The following CACNA2D3 variants were observed in gnomAD, a reference collection of about 807,000 sequenced individuals.
The protein encoded by CACNA2D3 is calcium voltage-gated channel auxiliary subunit alpha2delta 3.
CACNA2D3 carries 60 observed loss-of-function variants against 160.6 expected under a neutral mutation model. The observed-to-expected ratio is 0.37, with a 90% CI of 0.30 to 0.46. The LOEUF is 0.46. CACNA2D3 is among the 20% of genes least tolerant of loss of function. CACNA2D3 has a pLI of 1.00. For synonymous variants in CACNA2D3, 558 were observed against 492.9 expected, an observed-to-expected ratio of 1.13 and a Z score of -1.75; for missense variants, 1,205 against 1,365.0, an observed-to-expected ratio of 0.88 and a Z score of 1.85.
chr3:55,025,197 A>C lies in CACNA2D3; in HGVS notation c.2987+6880A>C, dbSNP rs114199730. 1.6e-3 allele frequency among the ~76,000 whole-genome samples: 242 copies of C among 152,348 alleles called. 2 individuals carry two copies. The highest frequency in any genetic ancestry group is 5.5e-3 in the African/African-American group (230 of 41,588). On this transcript the variant is annotated intron_variant, in intron 35 of 37. Transcript: ENST00000474759. ...AATTAGAAAATAAAGAAAGAAATGCAGTTGGATTAAAGAAAGTGACCTAAA... is the reference window on the plus strand; with the variant it reads ...AATTAGAAAATAAAGAAAGAAATGCCGTTGGATTAAAGAAAGTGACCTAAA...
intron 23 of CACNA2D3, 80 bp from the exon 24 acceptor site, chr3:54,887,879 T>G: frequency 9.7e-7 from 1 of 1,034,722 alleles, no homozygotes; most frequent in Non-Finnish European, 1.5e-6. Flanking sequence ...CTGCAGATGC[T>G]GCACAATGAG....
rs539082740 is a variant in CACNA2D3 at position 54,648,275 on chromosome 3, C to T, written c.1167+6034C>T. Among the ~76,000 whole-genome samples, 23 of 152,254 alleles carry T rather than the reference C, an allele frequency of 1.5e-4. No homozygotes were observed. The East Asian group carries it at 3.1e-3, about 20-fold the overall frequency. On this transcript the variant is annotated intron_variant, in intron 11 of 37. Transcript: ENST00000474759. ...GAAACAGTATTTCATGGCATGAGAA[C>T]ATTATATAGAATTCAAATTTCAGTG...
At chr3:54,871,754 A>C (rs1699540755) in intron 18 of CACNA2D3, 132 bp downstream of exon 18, 1 of 672,440 alleles carries the variant, frequency 1.5e-6, no homozygotes, top group Admixed American at 2.7e-5. Flanking sequence ...ACGTGGAGAC[A>C]AGGGGCCTTT....
chr3:54,289,371 AG>A (rs1703122369), intron 2 of CACNA2D3, among the ~76,000 whole-genome samples: 1 of 152,158 alleles, frequency 6.6e-6, no homozygotes, highest in African/African-American at 2.4e-5. Context: ...GACCTCTTCA[AG>A]GAGAACTACA....
chr3:54,343,933 G>A (rs1463612919), intron 3 of CACNA2D3, among the ~76,000 whole-genome samples: 3 of 152,092 alleles, frequency 2.0e-5, no homozygotes, highest in East Asian at 3.9e-4. Flanking sequence ...GTCCATAATC[G>A]TGATATTTAT....
chr3:54,559,795 C>G (rs536740600), intron 5 of CACNA2D3, among the ~76,000 whole-genome samples: 2 of 152,136 alleles, frequency 1.3e-5, no homozygotes, highest in Non-Finnish European at 2.9e-5. Flanking sequence ...TCTATGTGTC[C>G]ATGTGTTCTC....
At chr3:54,458,082 GTTA>G (rs1220173958) in intron 4 of CACNA2D3, among the ~76,000 whole-genome samples, 1 of 151,954 alleles carries the variant, frequency 6.6e-6, no homozygotes, top group Non-Finnish European at 1.5e-5. Flanking sequence ...TACATTTAAG[GTTA>G]TTATTTGTAG....
intron 27 of CACNA2D3, among the ~76,000 whole-genome samples, chr3:54,914,366 T>A (rs893427837): frequency 6.6e-6 from 1 of 152,146 alleles, no homozygotes. Context: ...ATAGAAAGGC[T>A]GGTGGCAGCT....
At chr3:54,358,945 C>T (rs565310090) in intron 3 of CACNA2D3, among the ~76,000 whole-genome samples, 23 of 152,212 alleles carry the variant, frequency 1.5e-4, no homozygotes, top group Admixed American at 1.5e-3. Flanking sequence ...TAAACACTTC[C>T]CATGTCCTTC....
Position 54,386,712 on chromosome 3 carries a change from T to TTTG in CACNA2D3, c.322-3_322-2insTTG. 6.5e-7 allele frequency: 1 copy of TTTG among 1,540,322 alleles called. No individual in the cohort carries two copies. The highest frequency in any genetic ancestry group is 1.2e-5 in the South Asian group (1 of 81,828). On this transcript the variant is annotated splice_region_variant and splice_polypyrimidine_tract_variant and intron_variant, in intron 3 of 37. Coordinates refer to ENST00000474759, the MANE Select transcript of CACNA2D3 (RefSeq NM_018398.3). ...GTCTTCTGTTTTTTTTTTTTTTTTT[T>TTTG]AGCGTCTGGTGGAGGCTGCAGAAGA... is the stretch of plus-strand genomic sequence containing the variant.
chr3:54,808,634 A>G (rs1225407401), intron 13 of CACNA2D3, among the ~76,000 whole-genome samples: 2 of 152,194 alleles, frequency 1.3e-5, no homozygotes, highest in Non-Finnish European at 2.9e-5. Context: ...ACCTAGGGCA[A>G]GGGACACTGA....
At chr3:54,350,987 T>TTTG (rs1698550045) in intron 3 of CACNA2D3, among the ~76,000 whole-genome samples, 2 of 28,782 alleles carry the variant, frequency 6.9e-5, no homozygotes, top group Non-Finnish European at 1.3e-4. Context: ...TTTTTGTTTG[T>TTTG]TTTTTTTTTT....
chr3:54,848,763 C>T (rs1698990626), intron 17 of CACNA2D3, among the ~76,000 whole-genome samples: 2 of 152,222 alleles, frequency 1.3e-5, no homozygotes, highest in African/African-American at 4.8e-5. Flanking sequence ...ACTACATCCA[C>T]ACTATGTGAC....
At chr3:55,010,230 A>G (rs898162284) in intron 34 of CACNA2D3, among the ~76,000 whole-genome samples, 4 of 152,128 alleles carry the variant, frequency 2.6e-5, no homozygotes, top group Non-Finnish European at 4.4e-5. Context: ...ACTGGGGCCT[A>G]CTTGAGGTGG....
intron 13 of CACNA2D3, among the ~76,000 whole-genome samples, chr3:54,809,899 T>C (rs1703254931): frequency 6.6e-6 from 1 of 152,076 alleles, no homozygotes; most frequent in Non-Finnish European, 1.5e-5. Flanking sequence ...AGTCCCTCGG[T>C]AGATCTTATA....
rs1553885045 is a variant in CACNA2D3, at chr3:54,846,453, G to T, written c.1612G>T (p.Glu538Ter). ...TAATGGATATATCCTGACGCATCCGGAACTCAGGCTGCTGGTAAGAGAAAT... is the reference window on the plus strand; with the variant it reads ...TAATGGATATATCCTGACGCATCCGTAACTCAGGCTGCTGGTAAGAGAAAT... ...TNNGYILTHPELRLLYEEGKK... is the reference protein window; with the variant it reads ...TNNGYILTHP The change falls in exon 17 of 38, where the codon GAA (glutamate) becomes TAA (stop). Residue 538 changes from glutamate (E) to a stop codon, truncating the protein, a stop_gained. Coordinates refer to ENST00000474759, the MANE Select transcript of CACNA2D3 (RefSeq NM_018398.3). LOFTEE classifies it high-confidence loss of function. 1 of 1,598,104 alleles carries T rather than the reference G, an allele frequency of 6.3e-7. No homozygotes were observed. Among genetic ancestry groups the T allele is most frequent in the South Asian group, 1.1e-5 (1 of 88,324 alleles).
intron 2 of CACNA2D3, among the ~76,000 whole-genome samples, chr3:54,269,804 G>GT (rs1575356663): frequency 1.3e-5 from 2 of 152,188 alleles, no homozygotes; most frequent in East Asian, 1.9e-4. Context: ...GAAATCACTT[G>GT]TTTTTTGTTG....
intron 27 of CACNA2D3, chr3:54,924,583 C>T (rs1332563938): frequency 6.6e-7 from 1 of 1,510,206 alleles, no homozygotes; most frequent in Non-Finnish European, 9.2e-7. Flanking sequence ...AGGCTGGTAA[C>T]ACACAGATGG....
At chr3:54,927,892 G>T in intron 27 of CACNA2D3, 1 of 1,613,602 alleles carries the variant, frequency 6.2e-7, no homozygotes, top group Non-Finnish European at 8.5e-7. Flanking sequence ...AACGGGAATT[G>T]ATCAGGGCTC....
Sources: gnomAD v4.1 joint callset for allele counts (sites outside exome capture counted in the v4.1 genomes callset) on GRCh38, gnomAD v4.1.1 for gene constraint, MANE v1.5 for transcripts, NCBI Gene and HGNC (gene_info 2026-07-23, HGNC 2026-07-21) for gene names.